ARHGAP22: variants seen among roughly 807,000 people sequenced by gnomAD.
ARHGAP22 encodes the protein rho GTPase-activating protein 22.
In ARHGAP22, 48 loss-of-function variants were observed where a neutral mutation model predicts 59.1. The observed-to-expected ratio is 0.81, with a 90% CI of 0.64 to 1.03. The LOEUF is 1.03. Among genes scored for constraint, ARHGAP22 ranks in the 50% least tolerant of loss-of-function variants. The pLI is 0.00. For missense variants in ARHGAP22, 1,015 were observed against 958.7 expected, an observed-to-expected ratio of 1.06 and a Z score of -0.78; for synonymous variants, 445 against 416.4, an observed-to-expected ratio of 1.07 and a Z score of -0.84.
chr10:48,615,244 C>G (rs1373981231), intron 1 of ARHGAP22, among the ~76,000 whole-genome samples: 1 of 152,196 alleles, frequency 6.6e-6, no homozygotes, highest in Non-Finnish European at 1.5e-5. Context: ...TGGGCTGAGT[C>G]TTGAAGGCAT....
At chr10:48,590,260 C>T (rs778302121) in intron 1 of ARHGAP22, among the ~76,000 whole-genome samples, 5 of 151,754 alleles carry the variant, frequency 3.3e-5, no homozygotes, top group East Asian at 1.9e-4. Context: ...GGGAGGGACC[C>T]GAGCCGGTTT....
chr10:48,553,468 G>C (rs2057061528), intron 3 of ARHGAP22, among the ~76,000 whole-genome samples: 1 of 152,216 alleles, frequency 6.6e-6, no homozygotes. Context: ...GCCTGTGTTG[G>C]AGGGCAAGGT....
intron 1 of ARHGAP22, among the ~76,000 whole-genome samples, chr10:48,596,741 G>T (rs1564966081): frequency 6.6e-6 from 1 of 152,186 alleles, no homozygotes. Context: ...CCATTCTGGT[G>T]TCTCTCTCGT....
chr10:48,437,102 TC>T, the ARHGAP22 span: 13 of 152,236 alleles, frequency 8.5e-5, no homozygotes, highest in South Asian at 2.1e-3. Flanking sequence ...TGTGTCTGTA[TC>T]ATTTATTGTA....
intron 3 of ARHGAP22, among the ~76,000 whole-genome samples, chr10:48,484,956 T>C (rs868004323): frequency 6.6e-6 from 1 of 152,252 alleles, no homozygotes; most frequent in African/African-American, 2.4e-5. Context: ...GCAAACTTGT[T>C]TTTAAAGGAC....
chr10:48,574,237 T>TATTCATTC (rs59885986), intron 2 of ARHGAP22, among the ~76,000 whole-genome samples: 31 of 151,840 alleles, frequency 2.0e-4, no homozygotes, highest in Admixed American at 1.4e-3. Flanking sequence ...TTTTCTCATT[T>TATTCATTC]ATTCATTCAT....
intron 3 of ARHGAP22, chr10:48,510,849 G>C (rs1317217968): frequency 6.6e-6 from 1 of 152,120 alleles, no homozygotes; most frequent in Admixed American, 6.6e-5. Context: ...AGTCTCTTTG[G>C]ACTAAAAAAA....
At chr10:48,579,604 C>T (rs920894255) in intron 2 of ARHGAP22, among the ~76,000 whole-genome samples, 3 of 152,310 alleles carry the variant, frequency 2.0e-5, no homozygotes, top group Non-Finnish European at 4.4e-5. Flanking sequence ...ACCCTCCTGC[C>T]AGCAAGATGG....
At chr10:48,597,729 CTGT>C (rs2060151594) in intron 1 of ARHGAP22, among the ~76,000 whole-genome samples, 1 of 152,228 alleles carries the variant, frequency 6.6e-6, no homozygotes, top group Admixed American at 6.5e-5. Context: ...TGTTTCTGCT[CTGT>C]TCAGATAAGC....
At chr10:48,497,951 G>A (rs941228828) in intron 3 of ARHGAP22, among the ~76,000 whole-genome samples, 2 of 152,164 alleles carry the variant, frequency 1.3e-5, no homozygotes, top group African/African-American at 4.8e-5. Context: ...AGGAGGGGAG[G>A]CGATAGACTG....
intron 3 of ARHGAP22, among the ~76,000 whole-genome samples, chr10:48,512,001 G>C (rs2052820853): frequency 6.6e-6 from 1 of 152,248 alleles, no homozygotes; most frequent in Admixed American, 6.5e-5. Context: ...CTGCTCCAGG[G>C]ACAGAGCCCT....
intron 4 of ARHGAP22, among the ~76,000 whole-genome samples, chr10:48,470,035 C>T (rs2048084765): frequency 6.6e-6 from 1 of 152,216 alleles, no homozygotes; most frequent in Non-Finnish European, 1.5e-5. Flanking sequence ...GGGCTATTGT[C>T]AGGCTCAGCA....
chr10:48,600,669 G>A (rs1212228197), intron 1 of ARHGAP22, among the ~76,000 whole-genome samples: 7 of 152,100 alleles, frequency 4.6e-5, no homozygotes, highest in African/African-American at 1.7e-4. Flanking sequence ...TGGACCCTTT[G>A]CTGATCTGAG....
At chr10:48,547,422 C>T (rs975138328) in intron 3 of ARHGAP22, among the ~76,000 whole-genome samples, 1 of 152,226 alleles carries the variant, frequency 6.6e-6, no homozygotes, top group African/African-American at 2.4e-5. Context: ...GGGGGGGAGG[C>T]CCCAAGGAGC....
chr10:48,592,658 T>G (rs1321220544), intron 1 of ARHGAP22, among the ~76,000 whole-genome samples: 1 of 152,190 alleles, frequency 6.6e-6, no homozygotes, highest in Non-Finnish European at 1.5e-5. Context: ...ACACCATCCA[T>G]GCACAGAAGG....
At chr10:48,522,643 C>G (rs183445816) in intron 3 of ARHGAP22, among the ~76,000 whole-genome samples, 28 of 152,352 alleles carry the variant, frequency 1.8e-4, no homozygotes, top group Admixed American at 7.2e-4. Flanking sequence ...GCAGCAAGAC[C>G]TTGCCCTCTA....
intron 1 of ARHGAP22, among the ~76,000 whole-genome samples, chr10:48,599,365 G>A (rs1430057746): frequency 6.6e-6 from 1 of 152,234 alleles, no homozygotes; most frequent in Admixed American, 6.5e-5. Context: ...CATTTCATGT[G>A]CTGTGCTTGC....
chr10:48,563,828 A>G (rs1039835892), intron 2 of ARHGAP22, among the ~76,000 whole-genome samples: 2 of 152,238 alleles, frequency 1.3e-5, no homozygotes, highest in African/African-American at 4.8e-5. Flanking sequence ...ATAATTTTAT[A>G]TTGATTACTT....
chr10:48,447,572 C>T (rs2045489091), intron 9 of ARHGAP22, among the ~76,000 whole-genome samples: 1 of 152,180 alleles, frequency 6.6e-6, no homozygotes, highest in South Asian at 2.1e-4. Context: ...GGCCTGAGCC[C>T]TCCCTACCAG....
Sources: gnomAD v4.1 joint callset for allele counts (sites outside exome capture counted in the v4.1 genomes callset) on GRCh38, gnomAD v4.1.1 for gene constraint, MANE v1.5 for transcripts, NCBI Gene and HGNC (gene_info 2026-07-23, HGNC 2026-07-21) for gene names.